SUPT3H: variants seen among roughly 807,000 people sequenced by gnomAD.
SUPT3H encodes the protein SPT3 homolog, SAGA and STAGA complex component, also known as transcription initiation protein SPT3 homolog.
A neutral mutation model predicts 44.3 loss-of-function variants in SUPT3H; 44 were observed. That is an observed-to-expected ratio of 0.99 (90% confidence interval 0.78 to 1.28). SUPT3H has a LOEUF of 1.28. Ranked by LOEUF, SUPT3H falls within the 50% of genes most tolerant of loss-of-function variation. The pLI is 0.00. For missense variants in SUPT3H, 380 were observed against 387.1 expected, an observed-to-expected ratio of 0.98 and a Z score of 0.15; for synonymous variants, 124 against 125.6, an observed-to-expected ratio of 0.99 and a Z score of 0.09.
chr6:45,141,092 C>T (rs1805100863), intron 2 of SUPT3H, among the ~76,000 whole-genome samples: 1 of 152,010 alleles, frequency 6.6e-6, no homozygotes, highest in East Asian at 1.9e-4. Context: ...GTAATCCCAG[C>T]ACTTTAGGAG....
chr6:44,868,098 G>A (rs1004456585), intron 10 of SUPT3H, among the ~76,000 whole-genome samples: 10 of 151,836 alleles, frequency 6.6e-5, no homozygotes, highest in Non-Finnish European at 1.2e-4. Context: ...TTCTTTTCCC[G>A]TTAAAGTTTT....
chr6:45,257,665 C>A (rs1450059860), intron 2 of SUPT3H, among the ~76,000 whole-genome samples: 1 of 152,096 alleles, frequency 6.6e-6, no homozygotes, highest in African/African-American at 2.4e-5. Flanking sequence ...TGGTGAGGGC[C>A]TTCTTGCTGC....
Position 44,846,699 on chromosome 6 carries a change from C to G in SUPT3H, c.913-16842G>C, listed in dbSNP as rs9472382. Among the ~76,000 whole-genome samples the G allele has an allele frequency of 6.1e-3, 919 of 151,818 alleles. 2 individuals carry two copies. Among genetic ancestry groups the G allele is most frequent in the Non-Finnish European group, 9.6e-3 (653 of 67,902 alleles). On this transcript the variant is annotated intron_variant, in intron 10 of 10. Coordinates refer to ENST00000371459, the MANE Select transcript of SUPT3H (RefSeq NM_003599.4). The stretch of plus-strand genomic sequence containing the variant: ...CAGGCTGGAGTGCAGTGGCGCAATA[C>G]TGGCTCACTGCAACCTCCGCCTCCT...
Position 45,179,034 on chromosome 6 carries a change from T to A in SUPT3H, c.102-73028A>T, listed in dbSNP as rs1812586700. Among the ~76,000 whole-genome samples, 4 of 152,106 alleles carry A rather than the reference T, an allele frequency of 2.6e-5. No individual in the cohort carries two copies. The South Asian group carries it at 8.3e-4, about 32-fold the overall frequency. On this transcript the variant is annotated intron_variant, in intron 2 of 10. Coordinates refer to ENST00000371459, the MANE Select transcript of SUPT3H (RefSeq NM_003599.4). ...AGAATCAAATAGACGCAATAAAAAA[T>A]GATAAAGGGGATATCACCACCGATC...
chr6:45,082,669 G>A (rs193163812), intron 3 of SUPT3H, among the ~76,000 whole-genome samples: 2 of 152,092 alleles, frequency 1.3e-5, no homozygotes, highest in East Asian at 3.9e-4. Context: ...CAACATCATA[G>A]TAAAAAGGCA....
At chr6:45,224,181 C>T (rs1402247973) in intron 2 of SUPT3H, among the ~76,000 whole-genome samples, 4 of 151,554 alleles carry the variant, frequency 2.6e-5, no homozygotes, top group Admixed American at 6.6e-5. Flanking sequence ...AAACTAATAT[C>T]ATTCTTACCA....
In SUPT3H at chr6:44,843,954, CACACAT is replaced by C. The variant is rs1399894283; in HGVS notation, c.913-14103_913-14098del. Among the ~76,000 whole-genome samples the C allele has an allele frequency of 2.8e-3, 353 of 128,150 alleles. 6 individuals are homozygous for C. The highest frequency in any genetic ancestry group is 1.2e-3 in the Admixed American group (15 of 12,708). 84.1% of individuals were successfully genotyped at this position (128,150 alleles called of 152,430 possible). A position where few individuals can be genotyped will look rare whatever the true frequency, so the allele number is the denominator to read the frequency against. On this transcript the variant is annotated intron_variant, in intron 10 of 10. Coordinates refer to ENST00000371459, the MANE Select transcript of SUPT3H (RefSeq NM_003599.4). ...ACACACACACACACACACACACACA[CACACAT>C]GCACAGAAAAAGAACAAAGTTGGGA...
At chr6:44,845,582 C>A (rs1771722458) in intron 10 of SUPT3H, among the ~76,000 whole-genome samples, 1 of 152,130 alleles carries the variant, frequency 6.6e-6, no homozygotes, top group Admixed American at 6.5e-5. Flanking sequence ...TGTTGCATTT[C>A]CCAAGACCAC....
chr6:45,176,789 T>C (rs1406562006), intron 2 of SUPT3H, among the ~76,000 whole-genome samples: 2 of 152,098 alleles, frequency 1.3e-5, no homozygotes, highest in African/African-American at 4.8e-5. Context: ...GCAGCCTAAC[T>C]AGGAGGCACC....
At chr6:45,196,686 A>G (rs1435503482) in intron 2 of SUPT3H, among the ~76,000 whole-genome samples, 1 of 151,916 alleles carries the variant, frequency 6.6e-6, no homozygotes, top group East Asian at 1.9e-4. Context: ...GAAGGGAATA[A>G]CTTTTTTCAG....
intron 2 of SUPT3H, among the ~76,000 whole-genome samples, chr6:45,126,292 T>TA (rs1056242869): frequency 6.6e-6 from 1 of 152,192 alleles, no homozygotes; most frequent in Non-Finnish European, 1.5e-5. Context: ...AAGTCCAAGA[T>TA]AAAAAATGTC....
At chr6:44,916,291 C>A (rs1767794536) in intron 10 of SUPT3H, among the ~76,000 whole-genome samples, 1 of 152,196 alleles carries the variant, frequency 6.6e-6, no homozygotes, top group African/African-American at 2.4e-5. Context: ...AAGCTTCCAA[C>A]TTCAGTAAGC....
chr6:45,176,517 C>A (rs1255752768), intron 2 of SUPT3H, among the ~76,000 whole-genome samples: 2 of 152,088 alleles, frequency 1.3e-5, no homozygotes, highest in Non-Finnish European at 2.9e-5. Flanking sequence ...TGCCATTGCC[C>A]AGGCTTGCTT....
At chr6:45,335,638 T>G (rs1290113805) in intron 2 of SUPT3H, among the ~76,000 whole-genome samples, 2 of 151,226 alleles carry the variant, frequency 1.3e-5, no homozygotes, top group Non-Finnish European at 3.0e-5. Context: ...CCACATTATA[T>G]CAATCACTGT....
At chr6:45,217,257 A>G (rs1765210689) in intron 2 of SUPT3H, among the ~76,000 whole-genome samples, 1 of 152,102 alleles carries the variant, frequency 6.6e-6, no homozygotes, top group African/African-American at 2.4e-5. Context: ...CAGGTGAATC[A>G]CAAGGTCAGG....
chr6:45,361,327 TA>T (rs1794220486), intron 2 of SUPT3H, among the ~76,000 whole-genome samples: 1 of 152,138 alleles, frequency 6.6e-6, no homozygotes, highest in African/African-American at 2.4e-5. Flanking sequence ...TCCCAATTTT[TA>T]AAAACGTGGT....
intron 2 of SUPT3H, among the ~76,000 whole-genome samples, chr6:45,268,577 T>C (rs542498381): frequency 6.6e-6 from 1 of 152,342 alleles, no homozygotes; most frequent in African/African-American, 2.4e-5. Flanking sequence ...TAAGCAATTA[T>C]ACAAGTGTAT....
At chr6:45,132,562 G>A (rs944973528) in intron 2 of SUPT3H, among the ~76,000 whole-genome samples, 1 of 152,100 alleles carries the variant, frequency 6.6e-6, no homozygotes, top group Non-Finnish European at 1.5e-5. Flanking sequence ...CTTACAGTGT[G>A]TTATATTTTG....
intron 2 of SUPT3H, among the ~76,000 whole-genome samples, chr6:45,200,760 T>C (rs1430811539): frequency 1.3e-5 from 2 of 151,476 alleles, no homozygotes; most frequent in Non-Finnish European, 3.0e-5. Context: ...TATAAGATTT[T>C]TTTTTAATTT....
Sources: gnomAD v4.1 joint callset for allele counts (sites outside exome capture counted in the v4.1 genomes callset) on GRCh38, gnomAD v4.1.1 for gene constraint, MANE v1.5 for transcripts, NCBI Gene and HGNC (gene_info 2026-07-23, HGNC 2026-07-21) for gene names.